SLC12A8: variants seen among roughly 807,000 people sequenced by gnomAD.
The protein encoded by SLC12A8 is solute carrier family 12 member 8, also known as cation-chloride cotransporter 9.
A neutral mutation model predicts 75.6 loss-of-function variants in SLC12A8; 69 were observed. The observed-to-expected ratio is 0.91, with a 90% confidence interval of 0.75 to 1.11. The LOEUF is 1.11. Among genes scored for constraint, SLC12A8 ranks in the 50% most tolerant of loss-of-function variants. SLC12A8 has a pLI of 0.00. For synonymous variants in SLC12A8, 365 were observed against 372.8 expected, an observed-to-expected ratio of 0.98 and a Z score of 0.24; for missense variants, 877 against 896.7, an observed-to-expected ratio of 0.98 and a Z score of 0.28.
chr3:125,153,851 C>T (rs1362423921), intron 5 of SLC12A8, among the ~76,000 whole-genome samples: 1 of 152,088 alleles, frequency 6.6e-6, no homozygotes, highest in East Asian at 1.9e-4. Context: ...TAGCACTTGG[C>T]TATTATTGGC....
intron 10 of SLC12A8, among the ~76,000 whole-genome samples, chr3:125,105,813 T>A (rs565240377): frequency 6.6e-6 from 1 of 152,094 alleles, no homozygotes; most frequent in Non-Finnish European, 1.5e-5. Flanking sequence ...GTAGATCACT[T>A]GAGGTCAGGA....
chr3:125,102,543 G>A (rs968529009), intron 10 of SLC12A8, among the ~76,000 whole-genome samples: 5 of 152,230 alleles, frequency 3.3e-5, no homozygotes, highest in Middle Eastern at 3.4e-3. Context: ...AATGGGATGC[G>A]GGAGAGTCTT....
At chr3:125,175,865 C>G (rs562651286) in intron 5 of SLC12A8, among the ~76,000 whole-genome samples, 36 of 152,088 alleles carry the variant, frequency 2.4e-4, no homozygotes, top group Non-Finnish European at 4.6e-4. Context: ...TGGCCCTGAG[C>G]ATTAGAGTGG....
intron 5 of SLC12A8, among the ~76,000 whole-genome samples, chr3:125,157,301 T>G (rs192965839): frequency 9.8e-5 from 15 of 152,302 alleles, no homozygotes; most frequent in Admixed American, 9.1e-4. Context: ...AATACACTAA[T>G]TATAAATACA....
In SLC12A8 at chr3:125,135,792, A is replaced by C; in HGVS notation, c.623-10T>G. On this transcript the variant is annotated splice_polypyrimidine_tract_variant and intron_variant, in intron 5 of 13. Coordinates refer to ENST00000469902, the MANE Select transcript of SLC12A8 (RefSeq NM_024628.6). ...CCAATGAAACCATGTTCTGAAATAAAGCAATGGAGAGCAACGTAAGCCCAG... is the reference window on the plus strand; with the variant it reads ...CCAATGAAACCATGTTCTGAAATAACGCAATGGAGAGCAACGTAAGCCCAG... 2 of 1,545,012 alleles carry C rather than the reference A, an allele frequency of 1.3e-6. No individual in the cohort carries two copies. Among genetic ancestry groups the C allele is most frequent in the Non-Finnish European group, 1.8e-6 (2 of 1,128,168 alleles).
At chr3:125,110,705 T>C (rs1939165496) in intron 8 of SLC12A8, 1 of 171,156 alleles carries the variant, frequency 5.8e-6, no homozygotes, top group African/African-American at 2.4e-5. Flanking sequence ...GAGAACAAAC[T>C]GGCCAACCAC....
chr3:125,091,686 T>C, intron 11 of SLC12A8, 130 bp from the exon 12 acceptor site: 2 of 646,290 alleles, frequency 3.1e-6, no homozygotes, highest in South Asian at 4.3e-5. Context: ...GTCTGAATAA[T>C]TGAAGTTTAT....
At chr3:125,137,309 T>C (rs980788312) in intron 5 of SLC12A8, among the ~76,000 whole-genome samples, 1 of 152,244 alleles carries the variant, frequency 6.6e-6, no homozygotes, top group African/African-American at 2.4e-5. Context: ...TAAATCATTG[T>C]CAATTGCTTT....
intron 4 of SLC12A8, among the ~76,000 whole-genome samples, chr3:125,184,353 A>T (rs1934729530): frequency 6.6e-6 from 1 of 152,316 alleles, no homozygotes; most frequent in South Asian, 2.1e-4. Flanking sequence ...AAACTGGCTC[A>T]CTGGCCAAAT....
At chr3:125,164,431 G>A (rs554838615) in intron 5 of SLC12A8, among the ~76,000 whole-genome samples, 5 of 152,352 alleles carry the variant, frequency 3.3e-5, no homozygotes, top group Non-Finnish European at 7.3e-5. Flanking sequence ...CTGACACAGA[G>A]TTGGTGCTCC....
intron 4 of SLC12A8, among the ~76,000 whole-genome samples, chr3:125,184,199 G>A (rs1934725846): frequency 6.6e-6 from 1 of 152,078 alleles, no homozygotes; most frequent in African/African-American, 2.4e-5. Flanking sequence ...TCGAACTCCT[G>A]ACCTCAGGTG....
chr3:125,105,840 G>T (rs1297626000), intron 10 of SLC12A8, among the ~76,000 whole-genome samples: 1 of 152,046 alleles, frequency 6.6e-6, no homozygotes, highest in African/African-American at 2.4e-5. Flanking sequence ...GACCAGCCTG[G>T]CCAACATGGT....
intron 2 of SLC12A8, among the ~76,000 whole-genome samples, chr3:125,207,198 C>T (rs926521440): frequency 8.5e-5 from 13 of 152,106 alleles, no homozygotes; most frequent in African/African-American, 1.4e-4. Flanking sequence ...CGGCCTGCAG[C>T]GGGTTTTTTC....
At chr3:125,087,379 C>T (rs1255995334) in intron 13 of SLC12A8, among the ~76,000 whole-genome samples, 1 of 152,120 alleles carries the variant, frequency 6.6e-6, no homozygotes, top group Admixed American at 6.5e-5. Context: ...AGGCGTAAGC[C>T]ACCACGCCCA....
At chr3:125,130,462 T>C (rs1304022619) in intron 6 of SLC12A8, among the ~76,000 whole-genome samples, 1 of 152,036 alleles carries the variant, frequency 6.6e-6, no homozygotes, top group East Asian at 1.9e-4. Context: ...CATAGTGGCA[T>C]GCTGTTGTAA....
At chr3:125,145,505 G>T (rs1933750379) in intron 5 of SLC12A8, among the ~76,000 whole-genome samples, 1 of 152,176 alleles carries the variant, frequency 6.6e-6, no homozygotes, top group Non-Finnish European at 1.5e-5. Context: ...CTACAACACA[G>T]ATGAACTTTG....
intron 2 of SLC12A8, among the ~76,000 whole-genome samples, chr3:125,191,392 T>C (rs992567690): frequency 6.6e-6 from 1 of 152,076 alleles, no homozygotes; most frequent in Non-Finnish European, 1.5e-5. Context: ...GTGAATGCTC[T>C]TATGTAGGTT....
At chr3:125,203,254 C>T (rs1935163511) in intron 2 of SLC12A8, among the ~76,000 whole-genome samples, 1 of 149,572 alleles carries the variant, frequency 6.7e-6, no homozygotes, top group African/African-American at 2.5e-5. Context: ...TATGAAACAA[C>T]AACAAAAAAT....
chr3:125,177,649 T>A, intron 5 of SLC12A8, 94 bp downstream of exon 5: 6 of 827,000 alleles, frequency 7.3e-6, no homozygotes, highest in Non-Finnish European at 9.3e-6. Flanking sequence ...CCTATGGGGG[T>A]TAGGGGGAGA....
Sources: allele counts gnomAD v4.1 joint callset (sites outside exome capture counted in the v4.1 genomes callset), GRCh38; gene constraint gnomAD v4.1.1; transcripts MANE v1.5; gene names NCBI Gene and HGNC (gene_info 2026-07-23, HGNC 2026-07-21).